Variants in AGBL1 observed in about 807,000 individuals in gnomAD.
AGBL1 encodes cytosolic carboxypeptidase 4.
A neutral mutation model predicts 118.9 loss-of-function variants in AGBL1; 130 were observed. The ratio of observed to expected loss-of-function variants is 1.09; its 90% CI spans 0.95 to 1.26. The LOEUF is 1.26. Ranked by LOEUF, AGBL1 falls within the 50% of genes most tolerant of loss-of-function variation. The probability of loss-of-function intolerance (pLI) is 0.00; values close to 1 mark genes in which losing one functional copy is unlikely to be tolerated. For missense variants in AGBL1, 1,584 were observed against 1,298.1 expected (o/e 1.22, Z -3.38); for synonymous variants, 555 against 478.9 (o/e 1.16, Z -2.08).
At chr15:86,734,164 C>T (rs1172472603) in intron 22 of AGBL1, among the ~76,000 whole-genome samples, 1 of 152,126 alleles carries the variant, frequency 6.6e-6, no homozygotes, top group African/African-American at 2.4e-5. Context: ...TCTGTTTTGA[C>T]CCAAGGCACT....
intron 5 of AGBL1, among the ~76,000 whole-genome samples, chr15:86,165,891 C>G (rs1457757458): frequency 6.6e-6 from 1 of 152,166 alleles, no homozygotes; most frequent in Non-Finnish European, 1.5e-5. Flanking sequence ...CAACCTGACT[C>G]CAAGCCTGTA....
chr15:86,236,932 C>CGGGGGG (rs1261815080), intron 6 of AGBL1, among the ~76,000 whole-genome samples: 2 of 9,368 alleles, frequency 2.1e-4, no homozygotes, highest in Non-Finnish European at 4.4e-4. Flanking sequence ...GATATGTGGG[C>CGGGGGG]GGGGGGGGGC....
Position 86,967,090 on chromosome 15 carries a change from T to G in AGBL1, c.3222-20897T>G, listed in dbSNP as rs537287108. Reference sequence around the variant, plus strand: ...TCTGATGGCCAGTGATGATGAACATTTTTTCATGTGTCTTTTGGCTGCATA... The same window carrying G: ...TCTGATGGCCAGTGATGATGAACATGTTTTCATGTGTCTTTTGGCTGCATA... On this transcript the variant is annotated intron_variant, in intron 23 of 24. Coordinates refer to the AGBL1 transcript ENST00000441037. 4.6e-5 allele frequency among the ~76,000 whole-genome samples: 7 copies of G among 152,350 alleles called. No homozygotes were observed. The South Asian group carries it at 1.2e-3, about 27-fold the overall frequency.
chr15:86,898,534 A>T (rs56378903), intron 22 of AGBL1, among the ~76,000 whole-genome samples: 1 of 152,144 alleles, frequency 6.6e-6, no homozygotes, highest in Non-Finnish European at 1.5e-5. Context: ...GAAACAAAAT[A>T]AAAAATGGAC....
chr15:86,882,576 C>T (rs762675076), intron 22 of AGBL1, among the ~76,000 whole-genome samples: 24 of 152,130 alleles, frequency 1.6e-4, no homozygotes, highest in Non-Finnish European at 2.5e-4. Context: ...TAATAGTTAA[C>T]CAACTGGGCT....
intron 22 of AGBL1, among the ~76,000 whole-genome samples, chr15:86,725,142 G>T (rs564463862): frequency 3.3e-5 from 5 of 152,266 alleles, no homozygotes; most frequent in African/African-American, 1.2e-4. Context: ...TTGAATAAAT[G>T]AATAAATAAT....
intron 22 of AGBL1, among the ~76,000 whole-genome samples, chr15:86,861,010 G>T (rs1201645560): frequency 6.6e-6 from 1 of 152,110 alleles, no homozygotes; most frequent in Non-Finnish European, 1.5e-5. Flanking sequence ...GATCAATGCA[G>T]TTCCAAGTGA....
chr15:86,137,100 G>C (rs1379810450), intron 1 of AGBL1, among the ~76,000 whole-genome samples: 2 of 152,146 alleles, frequency 1.3e-5, no homozygotes, highest in Non-Finnish European at 2.9e-5. Flanking sequence ...CTTCTAAATA[G>C]TGTAAAATAT....
At chr15:86,176,184 G>A (rs1340052208) in intron 5 of AGBL1, among the ~76,000 whole-genome samples, 1 of 152,200 alleles carries the variant, frequency 6.6e-6, no homozygotes, top group Non-Finnish European at 1.5e-5. Context: ...GCTAGCATGG[G>A]GAATGATGCC....
rs568876405 is a variant in AGBL1 at position 86,258,926 on chromosome 15, C to T, written c.969+895C>T. ...TTCACCGTATTGGCCAGGCTGGTCT[C>T]GAACTCTTGACCTTGTGGTCTGCCC... On this transcript the variant is annotated intron_variant, in intron 9 of 22. Coordinates refer to ENST00000614907, the MANE Select transcript of AGBL1 (RefSeq NM_001386094.1). Among the ~76,000 whole-genome samples, 10 of 152,272 alleles carry T rather than the reference C, an allele frequency of 6.6e-5. 1 individual carries two copies. The South Asian group carries it at 8.3e-4, about 13-fold the overall frequency.
intron 18 of AGBL1, among the ~76,000 whole-genome samples, chr15:86,510,412 A>G (rs1233032067): frequency 2.0e-5 from 3 of 152,108 alleles, no homozygotes; most frequent in Non-Finnish European, 4.4e-5. Context: ...AAAGGGAACA[A>G]GTAAAACCCC....
intron 17 of AGBL1, among the ~76,000 whole-genome samples, chr15:86,375,293 C>T (rs1261993321): frequency 6.6e-6 from 1 of 152,148 alleles, no homozygotes; most frequent in Non-Finnish European, 1.5e-5. Flanking sequence ...GGAAAGCAGG[C>T]ACCTTCTTCA....
intron 22 of AGBL1, among the ~76,000 whole-genome samples, chr15:86,891,162 C>T (rs772930832): frequency 5.9e-5 from 9 of 152,104 alleles, no homozygotes; most frequent in East Asian, 3.9e-4. Context: ...AATGGGAGTT[C>T]GTTCATGATT....
At chr15:86,302,213 T>G (rs2079758546) in intron 17 of AGBL1, among the ~76,000 whole-genome samples, 1 of 152,166 alleles carries the variant, frequency 6.6e-6, no homozygotes, top group African/African-American at 2.4e-5. Flanking sequence ...TAAAGGTAGT[T>G]GAATAGCTTG....
At chr15:86,177,852 A>G (rs1199652559) in intron 5 of AGBL1, among the ~76,000 whole-genome samples, 1 of 152,220 alleles carries the variant, frequency 6.6e-6, no homozygotes, top group South Asian at 2.1e-4. Context: ...TCTCTAATCA[A>G]CAACCTCAGC....
intron 21 of AGBL1, among the ~76,000 whole-genome samples, chr15:86,665,117 A>G (rs1015552556): frequency 6.6e-6 from 1 of 152,180 alleles, no homozygotes; most frequent in Admixed American, 6.6e-5. Context: ...TTACATTATG[A>G]TTATATCCCT....
chr15:86,666,315 T>C (rs1028042344), intron 21 of AGBL1, among the ~76,000 whole-genome samples: 4 of 152,302 alleles, frequency 2.6e-5, no homozygotes, highest in Middle Eastern at 6.8e-3. Flanking sequence ...ATTTTTATTA[T>C]ATTTAATAAT....
At chr15:86,894,384 A>G (rs947100035) in intron 22 of AGBL1, among the ~76,000 whole-genome samples, 1 of 152,118 alleles carries the variant, frequency 6.6e-6, no homozygotes, top group Non-Finnish European at 1.5e-5. Flanking sequence ...GCCTTAACAT[A>G]TGTATTTCAT....
chr15:86,162,379 C>A (rs867185926), intron 5 of AGBL1, among the ~76,000 whole-genome samples: 10 of 152,282 alleles, frequency 6.6e-5, no homozygotes, highest in South Asian at 2.1e-4. Flanking sequence ...TAGCAGGAAC[C>A]TAAAATTAGA....
Sources: allele counts gnomAD v4.1 joint callset (sites outside exome capture counted in the v4.1 genomes callset), GRCh38; gene constraint gnomAD v4.1.1; transcripts MANE v1.5; gene names NCBI Gene and HGNC (gene_info 2026-07-23, HGNC 2026-07-21).